Variants in RPS6KC1 observed in about 807,000 individuals in gnomAD.
RPS6KC1 encodes the protein inactive ribosomal protein S6 kinase delta-1.
In RPS6KC1, 54 loss-of-function variants were observed where a neutral mutation model predicts 103.8. That is an observed-to-expected ratio of 0.52 (90% CI 0.42 to 0.65). RPS6KC1 has a LOEUF of 0.65. Ranked by LOEUF, RPS6KC1 falls within the 30% of genes least tolerant of loss-of-function variation. The probability of loss-of-function intolerance (pLI) is 0.00; values close to 1 mark genes in which losing one functional copy is unlikely to be tolerated. For missense variants in RPS6KC1, 1,151 were observed against 1,253.8 expected (o/e 0.92, Z 1.24); for synonymous variants, 439 against 438.7 (o/e 1.00, Z -0.01).
the RPS6KC1 span, among the ~76,000 whole-genome samples, chr1:213,784,800 A>T: frequency 6.6e-6 from 1 of 152,200 alleles, no homozygotes; most frequent in Non-Finnish European, 1.5e-5. Context: ...TGCCTCACTT[A>T]GCTTTTTCCC....
At chr1:213,496,500 G>A in the RPS6KC1 span, among the ~76,000 whole-genome samples, 1 of 152,142 alleles carries the variant, frequency 6.6e-6, no homozygotes, top group South Asian at 2.1e-4. Flanking sequence ...ACTCACTCCC[G>A]TAATCTTAGC....
chr1:213,656,090 C>A, the RPS6KC1 span, among the ~76,000 whole-genome samples: 16 of 152,148 alleles, frequency 1.1e-4, no homozygotes, highest in African/African-American at 3.9e-4. Context: ...ATTAATTAAT[C>A]CTCCCAGAAA....
At chr1:213,066,274 A>G (rs1420102673) in intron 1 of RPS6KC1, among the ~76,000 whole-genome samples, 1 of 152,238 alleles carries the variant, frequency 6.6e-6, no homozygotes, top group Non-Finnish European at 1.5e-5. Context: ...AAAGAGAAGC[A>G]AAAGCACCAA....
At chr1:213,341,139 TC>T in the RPS6KC1 span, among the ~76,000 whole-genome samples, 1 of 152,214 alleles carries the variant, frequency 6.6e-6, no homozygotes, top group Non-Finnish European at 1.5e-5. Context: ...TCTTTGAAGC[TC>T]CTGCTCATAG....
intron 3 of RPS6KC1, among the ~76,000 whole-genome samples, chr1:213,081,979 T>A (rs1447659064): frequency 6.6e-6 from 1 of 152,146 alleles, no homozygotes; most frequent in Non-Finnish European, 1.5e-5. Context: ...TAGTAAATGT[T>A]TCTTGTAAGC....
At chr1:213,704,280 G>A in the RPS6KC1 span, among the ~76,000 whole-genome samples, 5 of 150,436 alleles carry the variant, frequency 3.3e-5, no homozygotes, top group East Asian at 5.8e-4. Flanking sequence ...CCAGCTACTC[G>A]GGAGGCTGAG....
intron 1 of RPS6KC1, among the ~76,000 whole-genome samples, chr1:213,060,045 TG>T (rs2077694721): frequency 6.6e-6 from 1 of 152,120 alleles, no homozygotes; most frequent in Non-Finnish European, 1.5e-5. Flanking sequence ...CTCTAACTCC[TG>T]GCCTCAGGTG....
At position 213,066,910 on chromosome 1, in the gene RPS6KC1, G is replaced by C. The variant is rs959576124; in HGVS notation, c.106-4096G>C. Among the ~76,000 whole-genome samples, 5 of 152,240 alleles carry C rather than the reference G, an allele frequency of 3.3e-5. No individual in the cohort carries two copies. In the East Asian group the frequency reaches 9.6e-4, roughly 29 times the overall value. On this transcript the variant is annotated intron_variant, in intron 1 of 14. Coordinates refer to ENST00000366960, the MANE Select transcript of RPS6KC1 (RefSeq NM_012424.6). ...AAGCTAAAGGTGAAAGTCAAGTTGG[G>C]AACTGCTTAGGGCCAACCTGCCTCC...
chr1:213,184,322 A>T (rs2092427596), intron 8 of RPS6KC1, among the ~76,000 whole-genome samples: 1 of 152,282 alleles, frequency 6.6e-6, no homozygotes, highest in East Asian at 1.9e-4. Context: ...AAGTGTAGGT[A>T]TAGAAACCTT....
At chr1:213,188,045 A>T (rs1422632277) in intron 8 of RPS6KC1, among the ~76,000 whole-genome samples, 1 of 152,110 alleles carries the variant, frequency 6.6e-6, no homozygotes, top group Non-Finnish European at 1.5e-5. Context: ...CCAGGAGTCC[A>T]TACCTCTTCT....
At chr1:213,247,587 A>G (rs1219882645) in intron 12 of RPS6KC1, among the ~76,000 whole-genome samples, 1 of 152,184 alleles carries the variant, frequency 6.6e-6, no homozygotes, top group African/African-American at 2.4e-5. Flanking sequence ...GGTTTAGAAC[A>G]TTTAGATGGA....
At chr1:213,644,112 T>A in the RPS6KC1 span, among the ~76,000 whole-genome samples, 1 of 152,090 alleles carries the variant, frequency 6.6e-6, no homozygotes, top group Admixed American at 6.6e-5. Context: ...GGATTTTCCC[T>A]CACTACAGGG....
At chr1:213,138,509 C>T (rs188620043) in intron 6 of RPS6KC1, among the ~76,000 whole-genome samples, 57 of 152,216 alleles carry the variant, frequency 3.7e-4, no homozygotes, top group African/African-American at 1.3e-3. Context: ...CACCCTCCTC[C>T]CACCCTTTAC....
chr1:213,375,046 TACAC>T, the RPS6KC1 span, among the ~76,000 whole-genome samples: 4 of 151,134 alleles, frequency 2.6e-5, no homozygotes, highest in South Asian at 2.1e-4. Flanking sequence ...TACACATACA[TACAC>T]ACGTACACAC....
the RPS6KC1 span, among the ~76,000 whole-genome samples, chr1:213,366,332 C>A: frequency 6.6e-6 from 1 of 152,210 alleles, no homozygotes; most frequent in South Asian, 2.1e-4. Flanking sequence ...AACTGTAAAC[C>A]ACCAAGGCAT....
chr1:213,115,871 G>A (rs1473224201), intron 4 of RPS6KC1, among the ~76,000 whole-genome samples: 4 of 152,214 alleles, frequency 2.6e-5, no homozygotes, highest in African/African-American at 9.7e-5. Context: ...TTTTGAGTGA[G>A]TTTCTTAATC....
chr1:213,295,375 C>A, the RPS6KC1 span, among the ~76,000 whole-genome samples: 1 of 152,140 alleles, frequency 6.6e-6, no homozygotes, highest in Non-Finnish European at 1.5e-5. Context: ...AGTTAATGAT[C>A]TCTAAGATTG....
chr1:213,751,324 A>ACTTT, the RPS6KC1 span, among the ~76,000 whole-genome samples: 2 of 152,128 alleles, frequency 1.3e-5, no homozygotes, highest in Non-Finnish European at 2.9e-5. Context: ...TTTGTGACCC[A>ACTTT]GTGGCTCCAA....
chr1:213,663,091 A>G, the RPS6KC1 span, among the ~76,000 whole-genome samples: 4 of 152,232 alleles, frequency 2.6e-5, no homozygotes, highest in African/African-American at 9.6e-5. Context: ...CTGTTGCCCC[A>G]TTTGTAAACT....
Sources: gnomAD v4.1 joint callset for allele counts (sites outside exome capture counted in the v4.1 genomes callset) on GRCh38, gnomAD v4.1.1 for gene constraint, MANE v1.5 for transcripts, NCBI Gene and HGNC (gene_info 2026-07-23, HGNC 2026-07-21) for gene names.